The following PCDHA2 variants were observed in gnomAD, a reference collection of about 807,000 sequenced individuals.
PCDHA2 encodes protocadherin alpha-2.
Under a neutral mutation model 66.0 loss-of-function variants are expected in PCDHA2, and 58 were observed. The ratio of observed to expected loss-of-function variants is 0.88; its 90% CI spans 0.71 to 1.09. The LOEUF (loss-of-function observed/expected upper bound fraction) is 1.09, where lower values mean the gene tolerates loss of function less well. Among genes scored for constraint, PCDHA2 ranks in the 50% least tolerant of loss-of-function variants. The pLI, the probability that PCDHA2 is intolerant of heterozygous loss-of-function variation, is 0.00. For synonymous variants in PCDHA2, 634 were observed against 554.0 expected (o/e 1.14, Z -2.03); for missense variants, 1,267 against 1,242.3 (o/e 1.02, Z -0.30).
intron 1 of PCDHA2, chr5:140,969,200 G>C (rs2096305926): frequency 1.2e-6 from 2 of 1,614,132 alleles, no homozygotes; most frequent in Non-Finnish European, 1.7e-6. Flanking sequence ...TTACAATACA[G>C]GGGCCCAGAC....
chr5:140,822,625 G>A (rs2150117840), intron 1 of PCDHA2: 2 of 1,611,264 alleles, frequency 1.2e-6, no homozygotes, highest in South Asian at 1.1e-5. Context: ...TAGTAATCTT[G>A]TTCTTGACGA....
chr5:140,927,105 CAGCGG>C, intron 1 of PCDHA2: 1 of 1,613,778 alleles, frequency 6.2e-7, no homozygotes, highest in Non-Finnish European at 8.5e-7. Flanking sequence ...TGGATCTACC[CAGCGG>C]CAATTTGGTG....
intron 1 of PCDHA2, chr5:140,967,032 A>T: frequency 6.2e-7 from 1 of 1,610,180 alleles, no homozygotes; most frequent in Non-Finnish European, 8.5e-7. Flanking sequence ...AGTCCGCGCT[A>T]CCTGGAGCTG....
chr5:140,861,527 G>C (rs1554154863), intron 1 of PCDHA2: 3 of 454,914 alleles, frequency 6.6e-6, no homozygotes, highest in Non-Finnish European at 1.4e-5. Context: ...GGAGGATCTC[G>C]GAGTGCAGCA....
chr5:140,831,877 C>T (rs2150197891), intron 1 of PCDHA2, among the ~76,000 whole-genome samples: 14 of 152,186 alleles, frequency 9.2e-5, no homozygotes, highest in Non-Finnish European at 1.9e-4. Context: ...TATTGTAAGG[C>T]GCTTATAACT....
intron 1 of PCDHA2, among the ~76,000 whole-genome samples, chr5:140,838,114 GT>G (rs1730609309): frequency 6.7e-6 from 1 of 149,566 alleles, no homozygotes; most frequent in Non-Finnish European, 1.5e-5. Context: ...GTGTGTGTGT[GT>G]GTGTGTGTGT....
At chr5:140,818,428 T>A (rs1180551475) in intron 1 of PCDHA2, among the ~76,000 whole-genome samples, 1 of 152,252 alleles carries the variant, frequency 6.6e-6, no homozygotes, top group East Asian at 1.9e-4. Context: ...AATATATTTC[T>A]AACTTGGGTA....
intron 1 of PCDHA2, among the ~76,000 whole-genome samples, chr5:140,904,227 C>T (rs1373458999): frequency 5.9e-5 from 9 of 151,978 alleles, no homozygotes; most frequent in African/African-American, 2.2e-4. Context: ...TTGTATTATA[C>T]TTATGCCTTT....
chr5:140,812,755 G>A (rs978765974), intron 1 of PCDHA2: 1 of 152,220 alleles, frequency 6.6e-6, no homozygotes, highest in African/African-American at 2.4e-5. Context: ...CACTGAGCTT[G>A]CCCAGCTTAA....
intron 1 of PCDHA2, chr5:140,808,763 G>A (rs1554124770): frequency 1.9e-6 from 3 of 1,612,286 alleles, no homozygotes; most frequent in Non-Finnish European, 2.5e-6. Flanking sequence ...GCTGGACCAC[G>A]AGGAGCTAGA....
chr5:140,796,047 G>T lies in PCDHA2; in HGVS notation c.1083G>T (p.Glu361Asp), dbSNP rs1554119659. 1 of 1,614,194 alleles carries T rather than the reference G, an allele frequency of 6.2e-7. No homozygotes were observed. Among genetic ancestry groups the T allele is most frequent in the African/African-American group, 1.3e-5 (1 of 75,054 alleles). Reference sequence around the variant, plus strand: ...CGTCTCTCTCACTTCCCATCTCAGAGAACGCTTCCCTGGGCACTGTCATTG... The same window carrying T: ...CGTCTCTCTCACTTCCCATCTCAGATAACGCTTCCCTGGGCACTGTCATTG... ...SITSLSLPIS[E>D]NASLGTVIAL... The change falls in exon 1 of 4, where the codon GAG (glutamate) becomes GAT (aspartate). Residue 361 changes from glutamate to aspartate, a missense_variant. Transcript: ENST00000526136.
chr5:140,807,043 C>T (rs1763834966), intron 1 of PCDHA2: 2 of 988,186 alleles, frequency 2.0e-6, no homozygotes, highest in African/African-American at 3.2e-5. Flanking sequence ...AGGGAAAATT[C>T]CTTCTATTCT....
Position 140,796,700 on chromosome 5 carries a change from A to G in PCDHA2, c.1736A>G (p.Glu579Gly). Residue 579 changes from glutamate (E) to glycine (G), a missense_variant, in exon 1 of 4, where the codon GAG (glutamate) becomes GGG (glycine). Glu to Gly is a moderately conservative substitution (Grantham distance 98). Coordinates refer to ENST00000526136, the MANE Select transcript of PCDHA2 (RefSeq NM_018905.3). Reference sequence around the variant, plus strand: ...GGCACCGCTGCTGGCGCAGTGAGTGAGCTGGTGCCGTGGTCGGTGGGTGCA... The same window carrying G: ...GGCACCGCTGCTGGCGCAGTGAGTGGGCTGGTGCCGTGGTCGGTGGGTGCA... ...RAGTAAGAVS[E>G]LVPWSVGAGH... The G allele has an allele frequency of 6.2e-7, 1 of 1,613,970 alleles. No homozygotes were observed.
intron 1 of PCDHA2, among the ~76,000 whole-genome samples, chr5:140,833,623 C>A (rs2150209911): frequency 2.6e-5 from 4 of 152,064 alleles, no homozygotes; most frequent in Admixed American, 2.6e-4. Context: ...ATTCAGAATA[C>A]TTCCTCCTCA....
In PCDHA2 at chr5:140,871,383, G is replaced by C. The variant is rs200820570; in HGVS notation, c.2388+74031G>C. 9.3e-6 allele frequency: 15 copies of C among 1,614,204 alleles called. No homozygotes were observed. The highest frequency in any genetic ancestry group is 6.7e-5 in the East Asian group (3 of 44,886). Reference sequence around the variant, plus strand: ...AGAGGCGGCAGAGGGTGTGCTCTGAGGAGGGCCCACCTAAGACGGACCTCA... The same window carrying C: ...AGAGGCGGCAGAGGGTGTGCTCTGACGAGGGCCCACCTAAGACGGACCTCA... On this transcript the variant is annotated intron_variant, in intron 1 of 3. Coordinates refer to ENST00000526136, the MANE Select transcript of PCDHA2 (RefSeq NM_018905.3).
chr5:140,947,229 GA>G lies in PCDHA2; in HGVS notation c.2389-31711del, dbSNP rs201242412. On this transcript the variant is annotated intron_variant, in intron 1 of 3. Transcript: ENST00000526136. ...AAGAAAATCCTGTCATTTATGACAGGAAAAAAAAATAAGATAATCCAATGTA... is the reference window on the plus strand; with the variant it reads ...AAGAAAATCCTGTCATTTATGACAGGAAAAAAAATAAGATAATCCAATGTA... 1.0e-3 allele frequency among the ~76,000 whole-genome samples: 154 copies of G among 148,902 alleles called. 1 individual carries two copies. The highest frequency in any genetic ancestry group is 8.9e-3 in the Admixed American group (133 of 14,994).
intron 1 of PCDHA2, chr5:140,927,277 GTGCAGC>G: frequency 6.2e-7 from 1 of 1,614,016 alleles, no homozygotes; most frequent in Non-Finnish European, 8.5e-7. Flanking sequence ...TGCCGGCGAC[GTGCAGC>G]TGCACATCCC....
At chr5:140,934,533 C>T (rs1418320473) in intron 1 of PCDHA2, among the ~76,000 whole-genome samples, 5 of 152,086 alleles carry the variant, frequency 3.3e-5, no homozygotes, top group African/African-American at 4.8e-5. Flanking sequence ...CGAGAGCTAC[C>T]GTTCTAATTC....
chr5:140,834,675 C>A lies in PCDHA2; in HGVS notation c.2388+37323C>A, dbSNP rs1554134420. On this transcript the variant is annotated intron_variant, in intron 1 of 3. Transcript: ENST00000526136. ...GATCGACCGCGAGGAGCTGTGCGGG[C>A]GGAGCGCGGAGTGCAGCATCCACCT... is the stretch of plus-strand genomic sequence containing the variant. The A allele has an allele frequency of 1.9e-6, 3 of 1,614,206 alleles. No homozygotes were observed. In the African/African-American group the frequency reaches 4.0e-5, roughly 22 times the overall value.
Sources: gnomAD v4.1 joint callset for allele counts (sites outside exome capture counted in the v4.1 genomes callset) on GRCh38, gnomAD v4.1.1 for gene constraint, MANE v1.5 for transcripts, NCBI Gene and HGNC (gene_info 2026-07-23, HGNC 2026-07-21) for gene names.